The following ARID5B variants were observed in gnomAD, a reference collection of about 807,000 sequenced individuals.
ARID5B encodes the protein AT-rich interactive domain-containing protein 5B.
A neutral mutation model predicts 97.2 loss-of-function variants in ARID5B; 13 were observed. The observed-to-expected ratio is 0.13, with a 90% CI of 0.09 to 0.21. The LOEUF (loss-of-function observed/expected upper bound fraction) is 0.21, where lower values mean the gene tolerates loss of function less well. ARID5B is among the 10% of genes least tolerant of loss of function. The pLI is 1.00. For synonymous variants in ARID5B, 556 were observed against 570.3 expected (o/e 0.97, Z 0.36); for missense variants, 1,210 against 1,465.3 (o/e 0.83, Z 2.84).
In ARID5B at chr10:61,983,919, C is replaced by T. The variant is rs1838812962; in HGVS notation, c.503-16172C>T. On this transcript the variant is annotated intron_variant, in intron 3 of 9. Transcript: ENST00000279873. ...TTTTTGAGACGGAGTCTCGCTCTGT[C>T]GCCCAGGCCGGACTGCGGACTGCAG... Among the ~76,000 whole-genome samples the T allele has an allele frequency of 1.7e-4, 3 of 17,304 alleles. 1 individual carries two copies. Among genetic ancestry groups the T allele is most frequent in the Non-Finnish European group, 3.8e-4 (3 of 7,954 alleles). 11.4% of individuals were successfully genotyped at this position (17,304 alleles called of 152,430 possible). A position where few individuals can be genotyped will look rare whatever the true frequency, so the allele number is the denominator to read the frequency against.
At chr10:61,985,949 G>A (rs770144071) in intron 3 of ARID5B, among the ~76,000 whole-genome samples, 8 of 152,132 alleles carry the variant, frequency 5.3e-5, no homozygotes, top group Non-Finnish European at 1.0e-4. Flanking sequence ...TTCACTTAGG[G>A]ATTGTTTTGA....
chr10:62,032,940 T>C lies in ARID5B; in HGVS notation c.734-17948T>C, dbSNP rs76103175. On this transcript the variant is annotated intron_variant, in intron 4 of 9. Transcript: ENST00000279873. ...CTTGCTTAAAGTGAGATTTGATTAATAGGAATGTTCTACTGAAAACGCGAG... is the reference window on the plus strand; with the variant it reads ...CTTGCTTAAAGTGAGATTTGATTAACAGGAATGTTCTACTGAAAACGCGAG... Among the ~76,000 whole-genome samples the C allele has an allele frequency of 9.2e-3, 1,403 of 152,280 alleles. 20 individuals are homozygous for C. Among genetic ancestry groups the C allele is most frequent in the African/African-American group, 0.032 (1,344 of 41,546 alleles).
Position 62,049,910 on chromosome 10 carries a change from A to C in ARID5B, c.734-978A>C, listed in dbSNP as rs538986011. On this transcript the variant is annotated intron_variant, in intron 4 of 9. Coordinates refer to ENST00000279873, the MANE Select transcript of ARID5B (RefSeq NM_032199.3). ...GTGGGTGCCTTGAAAGGTCTGAAGG[A>C]AATTGTTTAGGGTATAATTCATTAG... is the stretch of plus-strand genomic sequence containing the variant. 9.8e-5 allele frequency among the ~76,000 whole-genome samples: 15 copies of C among 152,292 alleles called. No homozygotes were observed. In the South Asian group the frequency reaches 1.9e-3, roughly 19 times the overall value.
At chr10:62,073,771 C>A (rs917508145) in intron 8 of ARID5B, among the ~76,000 whole-genome samples, 1 of 152,200 alleles carries the variant, frequency 6.6e-6, no homozygotes, top group Non-Finnish European at 1.5e-5. Flanking sequence ...TCAAACTCAG[C>A]AAAGCTTATG....
chr10:61,965,247 T>C (rs1003212570), intron 3 of ARID5B, among the ~76,000 whole-genome samples: 11 of 152,224 alleles, frequency 7.2e-5, no homozygotes, highest in Non-Finnish European at 1.3e-4. Flanking sequence ...CATTGTATGT[T>C]CAGAGTTATA....
chr10:62,008,851 C>T (rs1839180773), intron 4 of ARID5B, among the ~76,000 whole-genome samples: 1 of 152,184 alleles, frequency 6.6e-6, no homozygotes, highest in Non-Finnish European at 1.5e-5. Context: ...TCCATGCTGA[C>T]AGGACTTTCA....
chr10:61,962,480 G>A (rs1168711081), intron 3 of ARID5B, among the ~76,000 whole-genome samples: 1 of 152,206 alleles, frequency 6.6e-6, no homozygotes, highest in African/African-American at 2.4e-5. Flanking sequence ...CTACGGGCAC[G>A]TTGGTAGTCA....
chr10:61,983,867 C>CTTTTTGTTTT (rs1838811069), intron 3 of ARID5B, among the ~76,000 whole-genome samples: 1 of 27,590 alleles, frequency 3.6e-5, no homozygotes, highest in African/African-American at 1.6e-4. Flanking sequence ...CCCTTTTGTT[C>CTTTTTGTTTT]TTTTTTTTTT....
At chr10:61,944,739 G>T (rs893279494) in intron 3 of ARID5B, among the ~76,000 whole-genome samples, 1 of 152,174 alleles carries the variant, frequency 6.6e-6, no homozygotes, top group African/African-American at 2.4e-5. Flanking sequence ...TTTAGGCCAA[G>T]GTTATTAAAA....
intron 4 of ARID5B, among the ~76,000 whole-genome samples, chr10:62,047,414 A>C (rs540449356): frequency 6.6e-6 from 1 of 152,328 alleles, no homozygotes; most frequent in South Asian, 2.1e-4. Flanking sequence ...ACACACGTAA[A>C]AGTAACAGTA....
At chr10:61,960,372 A>G (rs1838454332) in intron 3 of ARID5B, among the ~76,000 whole-genome samples, 1 of 152,012 alleles carries the variant, frequency 6.6e-6, no homozygotes, top group African/African-American at 2.4e-5. Flanking sequence ...ATGGAAACAC[A>G]TTTTCTATGG....
intron 3 of ARID5B, among the ~76,000 whole-genome samples, chr10:61,971,713 A>G (rs1462268943): frequency 2.0e-5 from 3 of 152,230 alleles, no homozygotes; most frequent in African/African-American, 7.2e-5. Context: ...CCACACTAAT[A>G]TATTAAATTT....
chr10:61,977,257 T>C (rs751763285), intron 3 of ARID5B, among the ~76,000 whole-genome samples: 12 of 152,238 alleles, frequency 7.9e-5, no homozygotes, highest in Non-Finnish European at 1.6e-4. Context: ...CAGTCTATCA[T>C]TGATGGACAT....
rs145224644 is a variant in ARID5B at position 61,933,790 on chromosome 10, A to C, written c.277-6393A>C. 3.0e-3 allele frequency among the ~76,000 whole-genome samples: 450 copies of C among 152,328 alleles called. 5 individuals are homozygous for C. The highest frequency in any genetic ancestry group is 0.01 in the African/African-American group (429 of 41,564). On this transcript the variant is annotated intron_variant, in intron 2 of 9. Coordinates refer to ENST00000279873, the MANE Select transcript of ARID5B (RefSeq NM_032199.3). The stretch of plus-strand genomic sequence containing the variant: ...AGAGCACAGAGAGCATAGATTTAGC[A>C]TAATCCTGAAAGGCCCTAGGATTTT...
intron 4 of ARID5B, chr10:62,046,606 C>T (rs1224031427): frequency 6.6e-6 from 1 of 152,150 alleles, no homozygotes; most frequent in African/African-American, 2.4e-5. Context: ...ATAGAAATAG[C>T]AGTGACTTCA....
intron 7 of ARID5B, among the ~76,000 whole-genome samples, chr10:62,059,871 G>A (rs1484566364): frequency 6.6e-6 from 1 of 152,090 alleles, no homozygotes; most frequent in Non-Finnish European, 1.5e-5. Flanking sequence ...TTAGCCCACA[G>A]GAAAATTTGA....
At chr10:62,049,607 G>T in intron 4 of ARID5B, 1 of 1,331,032 alleles carries the variant, frequency 7.5e-7, no homozygotes, top group Non-Finnish European at 1.1e-6. Flanking sequence ...GAGAGAGCGG[G>T]TGTGGGAAGG....
At position 61,929,319 on chromosome 10, in the gene ARID5B, G is replaced by A. The variant is rs1049996029; in HGVS notation, c.277-10864G>A. On this transcript the variant is annotated intron_variant, in intron 2 of 9. Transcript: ENST00000279873. Reference sequence around the variant, plus strand: ...GGGAAGACTGAGGTGAGTATGCCATGCTTTCCTGTTCTTGTTCCATCCCCT... The same window carrying A: ...GGGAAGACTGAGGTGAGTATGCCATACTTTCCTGTTCTTGTTCCATCCCCT... Among the ~76,000 whole-genome samples, 23 of 152,106 alleles carry A rather than the reference G, an allele frequency of 1.5e-4. 1 individual carries two copies. Among genetic ancestry groups the A allele is most frequent in the Admixed American group, 9.8e-4 (15 of 15,258 alleles).
intron 4 of ARID5B, among the ~76,000 whole-genome samples, chr10:62,040,851 G>A (rs980063055): frequency 1.3e-5 from 2 of 152,176 alleles, no homozygotes; most frequent in Non-Finnish European, 2.9e-5. Flanking sequence ...CAAGGGACAC[G>A]TGGCTAGCGG....
Sources: allele counts gnomAD v4.1 joint callset (sites outside exome capture counted in the v4.1 genomes callset), GRCh38; gene constraint gnomAD v4.1.1; transcripts MANE v1.5; gene names NCBI Gene and HGNC (gene_info 2026-07-23, HGNC 2026-07-21).